The following AFAP1 variants were observed in gnomAD, a reference collection of about 807,000 sequenced individuals.
AFAP1 encodes actin filament associated protein 1, also known as actin filament-associated protein 1.
Under a neutral mutation model 93.9 loss-of-function variants are expected in AFAP1, and 75 were observed. The ratio of observed to expected loss-of-function variants is 0.80; its 90% CI spans 0.66 to 0.97. The LOEUF (loss-of-function observed/expected upper bound fraction) is 0.97, where lower values mean the gene tolerates loss of function less well. Among genes scored for constraint, AFAP1 ranks in the 50% least tolerant of loss-of-function variants. The pLI is 0.00. For synonymous variants in AFAP1, 517 were observed against 430.7 expected, an observed-to-expected ratio of 1.20 and a Z score of -2.48; for missense variants, 1,201 against 1,050.8, an observed-to-expected ratio of 1.14 and a Z score of -1.98.
intron 1 of AFAP1, among the ~76,000 whole-genome samples, chr4:7,930,497 C>G (rs1430900933): frequency 2.0e-5 from 3 of 152,178 alleles, no homozygotes; most frequent in African/African-American, 7.2e-5. Context: ...CTCGGTCTTT[C>G]TGGCAACCAG....
At chr4:7,910,430 T>C (rs1357692122) in intron 1 of AFAP1, among the ~76,000 whole-genome samples, 1 of 151,520 alleles carries the variant, frequency 6.6e-6, no homozygotes, top group East Asian at 1.9e-4. Context: ...TACATAGAAA[T>C]AAAAAAACAT....
At chr4:7,853,616 C>T (rs2149137786) in intron 4 of AFAP1, among the ~76,000 whole-genome samples, 1 of 152,272 alleles carries the variant, frequency 6.6e-6, no homozygotes, top group East Asian at 1.9e-4. Flanking sequence ...ACTGCACACG[C>T]CCTCAATTCC....
rs1713633467 is a variant in AFAP1, at chr4:7,760,558, C to T, written c.*3207G>A. ...AGACAGATGGGCCTTGCCCCAGTTCCCCGCAGATTCTGGGAAGAGGGAGCC... is the reference window on the plus strand; with the variant it reads ...AGACAGATGGGCCTTGCCCCAGTTCTCCGCAGATTCTGGGAAGAGGGAGCC... On this transcript the variant is annotated 3_prime_UTR_variant, in exon 18 of 18. Transcript: ENST00000420658. 1.3e-5 allele frequency: 2 copies of T among 152,296 alleles called. No homozygotes were observed. Among genetic ancestry groups the T allele is most frequent in the Admixed American group, 1.3e-4 (2 of 15,292 alleles). 9.4% of individuals were successfully genotyped at this position (152,296 alleles called of 1,614,324 possible). A position where few individuals can be genotyped will look rare whatever the true frequency, so the allele number is the denominator to read the frequency against.
intron 1 of AFAP1, among the ~76,000 whole-genome samples, chr4:7,889,803 A>T (rs1718350980): frequency 6.6e-6 from 1 of 151,046 alleles, no homozygotes; most frequent in African/African-American, 2.4e-5. Flanking sequence ...GATAAATTTA[A>T]CAAAGTATGT....
In AFAP1 at chr4:7,781,455, T is replaced by C. The variant is rs1490731254; in HGVS notation, c.1703A>G (p.His568Arg). 1.9e-6 allele frequency: 3 copies of C among 1,551,886 alleles called. No individual in the cohort carries two copies. The highest frequency in any genetic ancestry group is 1.4e-5 in the African/African-American group (1 of 72,982). ...CTGAGCGGAGGCAGGGTATTTGTAA[T>C]GGTTAGAGGACAGCTTGTCAGCAGA... ...RLSADKLSSNHYKYPASAQSV... is the reference protein window; with the variant it reads ...RLSADKLSSNRYKYPASAQSV... Residue 568 changes from histidine to arginine, a missense_variant, in exon 13 of 18, where the codon CAT becomes CGT. Coordinates refer to ENST00000420658, the MANE Select transcript of AFAP1 (RefSeq NM_001134647.2).
intron 4 of AFAP1, among the ~76,000 whole-genome samples, chr4:7,851,426 G>A (rs996649428): frequency 1.3e-5 from 2 of 152,180 alleles, no homozygotes; most frequent in Admixed American, 1.3e-4. Context: ...GGTTTGGTTG[G>A]ATGATCGACA....
rs756610077 is a variant in AFAP1 at position 7,819,118 on chromosome 4, A to G, written c.780T>C (p.Pro260=). The G allele has an allele frequency of 5.6e-6, 9 of 1,613,730 alleles. No homozygotes were observed. Among genetic ancestry groups the G allele is most frequent in the Non-Finnish European group, 7.6e-6 (9 of 1,179,900 alleles). The change falls in exon 7 of 18, where the codon CCT becomes CCC. Residue 260 remains proline (P), a synonymous_variant. Transcript: ENST00000420658. ...GCSGPVDSEC[P]PPPSSPVHKA... is the part of the protein sequence containing the mutation. Reference sequence around the variant, plus strand: ...TGTGCACCGGGGAGCTTGGTGGAGGAGGACACTCTGAATCCACGGGGCCAC... The same window carrying G: ...TGTGCACCGGGGAGCTTGGTGGAGGGGGACACTCTGAATCCACGGGGCCAC...
chr4:7,923,612 G>A (rs951310210), intron 1 of AFAP1, among the ~76,000 whole-genome samples: 5 of 152,210 alleles, frequency 3.3e-5, no homozygotes, highest in African/African-American at 1.2e-4. Flanking sequence ...CCAAGTAGCT[G>A]GGATTACAGG....
intron 1 of AFAP1, among the ~76,000 whole-genome samples, chr4:7,901,664 C>T (rs369509249): frequency 1.3e-4 from 20 of 152,294 alleles, no homozygotes; most frequent in African/African-American, 3.6e-4. Flanking sequence ...GTGATGAGAA[C>T]GGAAAGGAAT....
chr4:7,787,998 C>T (rs1717473660), intron 11 of AFAP1, among the ~76,000 whole-genome samples: 1 of 152,196 alleles, frequency 6.6e-6, no homozygotes, highest in Non-Finnish European at 1.5e-5. Flanking sequence ...CACAGCGGCC[C>T]CTCCCTCCCC....
intron 17 of AFAP1, 103 bp downstream of exon 17, chr4:7,768,741 A>C: frequency 7.4e-7 from 1 of 1,352,070 alleles, no homozygotes; most frequent in Middle Eastern, 2.8e-4. Flanking sequence ...TGCCAAGTGG[A>C]TGCAGTAGGA....
intron 1 of AFAP1, among the ~76,000 whole-genome samples, chr4:7,933,043 G>GC (rs1225948509): frequency 6.7e-6 from 1 of 150,208 alleles, no homozygotes; most frequent in Non-Finnish European, 1.5e-5. Context: ...AAAAAAAAGG[G>GC]GGGGGATCTT....
chr4:7,840,084 G>C (rs1002535133), intron 5 of AFAP1, among the ~76,000 whole-genome samples: 4 of 152,092 alleles, frequency 2.6e-5, no homozygotes, highest in African/African-American at 7.2e-5. Flanking sequence ...TAAGTCACCT[G>C]CCTGAAGAGT....
intron 16 of AFAP1, 75 bp downstream of exon 16, chr4:7,772,745 A>G (rs1715605677): frequency 6.9e-7 from 1 of 1,445,574 alleles, no homozygotes; most frequent in Non-Finnish European, 9.4e-7. Flanking sequence ...GCCACTCCAC[A>G]TTCTCTCTGG....
chr4:7,898,657 GA>G (rs66560687), intron 1 of AFAP1, among the ~76,000 whole-genome samples: 90,496 of 135,528 alleles, frequency 0.67, 29,793 homozygotes, highest in East Asian at 0.78. Context: ...AGAAAAAGAA[GA>G]AAAAAAAAAA....
intron 11 of AFAP1, chr4:7,788,743 G>A (rs1311691639): frequency 6.6e-6 from 1 of 152,224 alleles, no homozygotes; most frequent in African/African-American, 2.4e-5. Flanking sequence ...CTTTCTGTCA[G>A]CGAGAGGCAG....
At chr4:7,892,389 A>G (rs1718521034) in intron 1 of AFAP1, among the ~76,000 whole-genome samples, 1 of 152,182 alleles carries the variant, frequency 6.6e-6, no homozygotes, top group Non-Finnish European at 1.5e-5. Context: ...TCTGCAGAGG[A>G]GCAGTGGGAG....
At chr4:7,886,741 T>C (rs990999856) in intron 1 of AFAP1, among the ~76,000 whole-genome samples, 23 of 152,200 alleles carry the variant, frequency 1.5e-4, no homozygotes, top group African/African-American at 5.3e-4. Flanking sequence ...ATCATAATAA[T>C]ATACAGAACG....
intron 3 of AFAP1, among the ~76,000 whole-genome samples, chr4:7,859,515 G>T (rs1163641660): frequency 6.6e-6 from 1 of 152,148 alleles, no homozygotes; most frequent in Non-Finnish European, 1.5e-5. Flanking sequence ...GAGAATGACT[G>T]ATCTTCACCC....
Sources: gnomAD v4.1 joint callset for allele counts (sites outside exome capture counted in the v4.1 genomes callset) on GRCh38, gnomAD v4.1.1 for gene constraint, MANE v1.5 for transcripts, NCBI Gene and HGNC (gene_info 2026-07-23, HGNC 2026-07-21) for gene names.